The following RUNDC3A variants were observed in gnomAD, a reference collection of about 807,000 sequenced individuals.
The protein encoded by RUNDC3A is RUN domain-containing protein 3A.
A neutral mutation model predicts 53.9 loss-of-function variants in RUNDC3A; 28 were observed. The ratio of observed to expected loss-of-function variants is 0.52; its 90% CI spans 0.38 to 0.71. The LOEUF (loss-of-function observed/expected upper bound fraction) is 0.71, where lower values mean the gene tolerates loss of function less well. Among genes scored for constraint, RUNDC3A ranks in the 30% least tolerant of loss-of-function variants. The probability of loss-of-function intolerance (pLI) is 0.00; values close to 1 mark genes in which losing one functional copy is unlikely to be tolerated. For synonymous variants in RUNDC3A, 232 were observed against 249.4 expected, an observed-to-expected ratio of 0.93 and a Z score of 0.66; for missense variants, 491 against 597.3, an observed-to-expected ratio of 0.82 and a Z score of 1.85.
rs767007093 is a variant in RUNDC3A at position 44,316,493 on chromosome 17, G to C, written c.1062G>C (p.Glu354Asp). 3.7e-6 allele frequency: 6 copies of C among 1,612,682 alleles called. No homozygotes were observed. In the East Asian group the frequency reaches 1.1e-4, roughly 30 times the overall value. ...CACTGGGAACGCTTAATGGGGCCGA[G>C]GGCGCCAGCAACTCCAAGCTCTACC... ...WPSLGTLNGA[E>D]GASNSKLYRR... The change falls in exon 9 of 11, where the codon GAG (glutamate) becomes GAC (aspartate). Residue 354 changes from glutamate to aspartate, a missense_variant. Physicochemically the swap from Glu to Asp is conservative, Grantham distance 45. Transcript: ENST00000426726.
Position 44,312,631 on chromosome 17 carries a change from C to G in RUNDC3A, c.159C>G (p.Asp53Glu). 1 of 1,587,712 alleles carries G rather than the reference C, an allele frequency of 6.3e-7. No individual in the cohort carries two copies. Among genetic ancestry groups the G allele is most frequent in the Non-Finnish European group, 8.6e-7 (1 of 1,167,360 alleles). The change falls in exon 2 of 11, where the codon GAC becomes GAG. Residue 53 changes from aspartate (D) to glutamate (E), a missense_variant. This residue lies in a region of RUNDC3A where 273 missense variants were observed against 389.0 expected (regional missense o/e 0.70). Coordinates refer to ENST00000426726, the MANE Select transcript of RUNDC3A (RefSeq NM_001144825.2). The part of the protein sequence containing the change: ...LEKYTAEPID[D>E]SSEEFVNFAA... ...AGTACACAGCGGAGCCCATCGATGA[C>G]TCATCGGAGGAGTTTGTCAATTTTG...
chr17:44,314,709 T>C (rs68030960), intron 4 of RUNDC3A, 26 bp from the exon 5 acceptor site: 687,682 of 1,423,482 alleles, frequency 0.48, 165,843 homozygotes, highest in East Asian at 0.9. Context: ...GCCTGCTGCA[T>C]CCTCTGGCCC....
intron 1 of RUNDC3A, chr17:44,311,288 G>T: frequency 2.0e-6 from 2 of 985,526 alleles, no homozygotes; most frequent in African/African-American, 3.5e-5. Flanking sequence ...GGGCGGTGGA[G>T]CAGGGGCTGC....
Position 44,318,160 on chromosome 17 carries a change from G to T in RUNDC3A, c.1263G>T (p.Lys421Asn), listed in dbSNP as rs1185381727. ...CCCTGGCCTCCATTCCCAGCTGCAA[G>T]TCCCTGGCGAGCTTCAAATCCAACG... ...CGSLASIPSC[K>N]SLASFKSNEC... The change falls in exon 11 of 11, where the codon AAG (lysine) becomes AAT (asparagine). Residue 421 changes from lysine to asparagine, a missense_variant. Physicochemically the swap from Lys to Asn is moderately conservative, Grantham distance 94. This residue lies in a region of RUNDC3A where 218 missense variants were observed against 208.2 expected (regional missense o/e 1.05). Transcript: ENST00000426726. The T allele has an allele frequency of 2.6e-6, 4 of 1,551,530 alleles. No homozygotes were observed.
chr17:44,318,267 C>T lies in RUNDC3A; in HGVS notation c.*29C>T. 6.5e-7 allele frequency: 1 copy of T among 1,535,216 alleles called. No homozygotes were observed. The highest frequency in any genetic ancestry group is 8.8e-7 in the Non-Finnish European group (1 of 1,134,894). On this transcript the variant is annotated 3_prime_UTR_variant, in exon 11 of 11. Transcript: ENST00000426726. Reference sequence around the variant, plus strand: ...ACAGCATGGGCAGTGCCAGCCCCACCTGCCAGGGGCCATGGACACCTGCCA... The same window carrying T: ...ACAGCATGGGCAGTGCCAGCCCCACTTGCCAGGGGCCATGGACACCTGCCA...
chr17:44,311,910 G>C (rs3785818), intron 1 of RUNDC3A, among the ~76,000 whole-genome samples: 69,103 of 151,490 alleles, frequency 0.46, 16,759 homozygotes, highest in East Asian at 0.9. Flanking sequence ...CCCATACCCC[G>C]CACCTCCCCA....
At position 44,315,610 on chromosome 17, in the gene RUNDC3A, G is replaced by C; in HGVS notation, c.953+1G>C. 6.8e-7 allele frequency: 1 copy of C among 1,477,628 alleles called. No individual in the cohort carries two copies. Among genetic ancestry groups the C allele is most frequent in the Non-Finnish European group, 9.0e-7 (1 of 1,110,524 alleles). The allele number at this position is 1,477,628 out of a possible 1,614,324, so 91.5% of individuals were successfully genotyped here. On this transcript the variant is annotated splice_donor_variant, in intron 8 of 10. Transcript: ENST00000426726. LOFTEE classifies it high-confidence loss of function. The surrounding 1 kb of genome is among the most constrained non-coding windows in gnomAD (Gnocchi z 6.1). ...TGATCCTGGAGCTGCAGGAGCAGCT[G>C]TGAGCGCACGGCCTGCCCTAACCCC...
chr17:44,313,304 G>A, intron 3 of RUNDC3A, 52 bp downstream of exon 3: 1 of 1,608,046 alleles, frequency 6.2e-7, no homozygotes, highest in Non-Finnish European at 8.5e-7. Context: ...CAGGGGGCCT[G>A]CCTGTTTCTT....
At chr17:44,309,622 G>T (rs2047711559) in intron 1 of RUNDC3A, among the ~76,000 whole-genome samples, 1 of 152,082 alleles carries the variant, frequency 6.6e-6, no homozygotes, top group Non-Finnish European at 1.5e-5. Context: ...AACCTGCAGT[G>T]ACTCACCCTC....
intron 10 of RUNDC3A, 110 bp from the exon 11 acceptor site, chr17:44,317,986 C>T (rs1462929432): frequency 1.3e-5 from 15 of 1,155,698 alleles, no homozygotes; most frequent in Non-Finnish European, 1.8e-5. Flanking sequence ...GTGGAATATG[C>T]CAAGGTCTCC....
intron 8 of RUNDC3A, among the ~76,000 whole-genome samples, chr17:44,316,088 T>A (rs564379352): frequency 6.6e-6 from 1 of 151,670 alleles, no homozygotes; most frequent in Non-Finnish European, 1.5e-5. Flanking sequence ...CCCAAGACGA[T>A]CTTACACTTC....
Position 44,315,068 on chromosome 17 carries a change from C to T in RUNDC3A, c.629+59C>T. 6.2e-7 allele frequency: 1 copy of T among 1,609,744 alleles called. No homozygotes were observed. Among genetic ancestry groups the T allele is most frequent in the Non-Finnish European group, 8.5e-7 (1 of 1,177,992 alleles). On this transcript the variant is annotated intron_variant, in intron 6 of 10. Coordinates refer to ENST00000426726, the MANE Select transcript of RUNDC3A (RefSeq NM_001144825.2). This position sits in a 1 kb window ranked among gnomAD's most constrained non-coding sequence, Gnocchi z 6.1. ...ACGGGGCCTCGGGACATCCTGGGGA[C>T]GTCCTGGTCCCACCGCCCTCAGCGG...
chr17:44,310,586 T>C, intron 1 of RUNDC3A: 1 of 438,536 alleles, frequency 2.3e-6, no homozygotes. Flanking sequence ...TACTGCCTCA[T>C]CACTGTCACA....
rs2047803472 is a variant in RUNDC3A at position 44,314,027 on chromosome 17, A to G, written c.458+524A>G. 9.1e-6 allele frequency: 9 copies of G among 991,956 alleles called. No individual in the cohort carries two copies. The South Asian group carries it at 1.8e-4, about 20-fold the overall frequency. 61.4% of individuals were successfully genotyped at this position (991,956 alleles called of 1,614,324 possible). On this transcript the variant is annotated intron_variant, in intron 4 of 10. Coordinates refer to ENST00000426726, the MANE Select transcript of RUNDC3A (RefSeq NM_001144825.2). ...CACTTGCAAGTCAAATCTAATGCCC[A>G]TTATTTGCCATCAATGCCCAGCACG...
chr17:44,316,818 GT>G (rs111384639), intron 10 of RUNDC3A, 93 bp downstream of exon 10: 1 of 502,636 alleles, frequency 2.0e-6, no homozygotes, highest in Non-Finnish European at 3.5e-6. Context: ...CATTCTCTTA[GT>G]CTTTTTTTTT....
chr17:44,309,021 C>A, intron 1 of RUNDC3A, 82 bp downstream of exon 1: 1 of 959,346 alleles, frequency 1.0e-6, no homozygotes, highest in Non-Finnish European at 1.5e-6. Flanking sequence ...CTGAGCGCTG[C>A]CGCGGAGAAA....
chr17:44,316,377 C>A lies in RUNDC3A; in HGVS notation c.954-8C>A, dbSNP rs767111929. 2 of 1,604,580 alleles carry A rather than the reference C, an allele frequency of 1.2e-6. No individual in the cohort carries two copies. The highest frequency in any genetic ancestry group is 1.1e-5 in the South Asian group (1 of 90,738). ...CCAGCCAGGCCTGACTCCTCCTCCC[C>A]CTCCCAGGACAGGTCTGATCCCCAG... On this transcript the variant is annotated splice_region_variant and splice_polypyrimidine_tract_variant and intron_variant, in intron 8 of 10. Transcript: ENST00000426726.
chr17:44,311,836 G>A (rs1037787941), intron 1 of RUNDC3A, among the ~76,000 whole-genome samples: 7 of 152,218 alleles, frequency 4.6e-5, no homozygotes, highest in African/African-American at 1.2e-4. Flanking sequence ...AAAGAAGCCA[G>A]GCCCCCAAGC....
chr17:44,313,603 G>C, intron 4 of RUNDC3A, 100 bp downstream of exon 4: 1 of 1,477,570 alleles, frequency 6.8e-7, no homozygotes, highest in Non-Finnish European at 9.0e-7. Flanking sequence ...TTCAGTTCCT[G>C]GACTACAAGT....
Sources: gnomAD v4.1 joint callset for allele counts (sites outside exome capture counted in the v4.1 genomes callset) on GRCh38, gnomAD v4.1.1 for gene constraint, gnomAD v4.1.1 regional missense constraint, Gnocchi (gnomAD v3.1) non-coding constraint, MANE v1.5 for transcripts, NCBI Gene and HGNC (gene_info 2026-07-23, HGNC 2026-07-21) for gene names.